COL11A1: variants seen among roughly 807,000 people sequenced by gnomAD.
COL11A1 encodes the protein collagen alpha-1(XI) chain.
In COL11A1, 74 loss-of-function variants were observed where a neutral mutation model predicts 265.2. The observed-to-expected ratio is 0.28, with a 90% CI of 0.23 to 0.34. COL11A1 has a LOEUF of 0.34. COL11A1 is among the 10% of genes least tolerant of loss of function. The pLI, the probability that COL11A1 is intolerant of heterozygous loss-of-function variation, is 1.00. For missense variants in COL11A1, 2,165 were observed against 2,263.6 expected (o/e 0.96, Z 0.88); for synonymous variants, 816 against 727.6 (o/e 1.12, Z -1.96).
chr1:103,030,961 T>C (rs1667938740), intron 5 of COL11A1, 155 bp downstream of exon 5: 1 of 933,200 alleles, frequency 1.1e-6, no homozygotes, highest in Non-Finnish European at 1.6e-6. Context: ...GTACCAAATA[T>C]ATTCAAGTCA....
At chr1:103,001,116 G>C (rs1354695908) in intron 24 of COL11A1, 1 of 397,352 alleles carries the variant, frequency 2.5e-6, no homozygotes, top group African/African-American at 2.1e-5. Flanking sequence ...AGCTAGGTCT[G>C]AGGGGGTGGA....
intron 36 of COL11A1, among the ~76,000 whole-genome samples, chr1:102,973,274 C>T (rs1662144381): frequency 6.6e-6 from 1 of 152,102 alleles, no homozygotes; most frequent in Admixed American, 6.6e-5. Flanking sequence ...GCATGCTTCT[C>T]AAGTGTAGGC....
At chr1:102,940,739 G>A (rs917254791) in intron 42 of COL11A1, among the ~76,000 whole-genome samples, 2 of 152,054 alleles carry the variant, frequency 1.3e-5, no homozygotes, top group Non-Finnish European at 2.9e-5. Context: ...ACTTTGCTGA[G>A]CCTCTTCTCC....
At chr1:103,037,529 T>G (rs1365650450) in intron 4 of COL11A1, among the ~76,000 whole-genome samples, 1 of 152,140 alleles carries the variant, frequency 6.6e-6, no homozygotes, top group Non-Finnish European at 1.5e-5. Context: ...TCTTGTTCAA[T>G]TCCATCTGAT....
intron 41 of COL11A1, among the ~76,000 whole-genome samples, chr1:102,959,105 C>T (rs920968848): frequency 1.3e-5 from 2 of 152,154 alleles, no homozygotes; most frequent in Non-Finnish European, 2.9e-5. Context: ...CTTTTGTGAT[C>T]TATTCTCTCC....
Position 102,878,503 on chromosome 1 carries a change from T to TATATATATATATATATA in COL11A1, c.5275-339_5275-338insTATATATATATATATAT, listed in dbSNP as rs1553191037. ...ATATATATATATATATATATATATA[T>TATATATATATATATATA]TCTTTTTCTTTTCTTTCTTTTTTTT... is the stretch of plus-strand genomic sequence containing the variant. On this transcript the variant is annotated intron_variant, in intron 66 of 66. Coordinates refer to ENST00000370096, the MANE Select transcript of COL11A1 (RefSeq NM_001854.4). 2.2e-3 allele frequency among the ~76,000 whole-genome samples: 281 copies of TATATATATATATATATA among 127,094 alleles called. 2 individuals carry two copies. The highest frequency in any genetic ancestry group is 2.9e-3 in the Non-Finnish European group (175 of 60,282). 83.4% of individuals were successfully genotyped at this position (127,094 alleles called of 152,430 possible).
In COL11A1 at chr1:103,002,799, G is replaced by A; in HGVS notation, c.1999-8C>T. The A allele has an allele frequency of 6.2e-7, 1 of 1,612,046 alleles. No individual in the cohort carries two copies. The highest frequency in any genetic ancestry group is 8.5e-7 in the Non-Finnish European group (1 of 1,178,424). On this transcript the variant is annotated splice_region_variant and splice_polypyrimidine_tract_variant and intron_variant, in intron 21 of 66. Transcript: ENST00000370096. Reference sequence around the variant, plus strand: ...ATCTACACCTGCCATACCCTGCAATGAAGAAAAAGTATTTATGGTTGTTTA... The same window carrying A: ...ATCTACACCTGCCATACCCTGCAATAAAGAAAAAGTATTTATGGTTGTTTA...
rs6677574 is a variant in COL11A1 at position 102,897,822 on chromosome 1, G to A, written c.4302+303C>T. Reference sequence around the variant, plus strand: ...CAGGAAAATAAGTGTAACTGCAAACGTTTTAGGGAACTATCCAGACTAGGA... The same window carrying A: ...CAGGAAAATAAGTGTAACTGCAAACATTTTAGGGAACTATCCAGACTAGGA... On this transcript the variant is annotated intron_variant, in intron 57 of 66. Transcript: ENST00000370096. 0.51 allele frequency among the ~76,000 whole-genome samples: 77,562 copies of A among 151,910 alleles called. 23,181 individuals are homozygous for A. Among genetic ancestry groups the A allele is most frequent in the East Asian group, 0.69 (3,576 of 5,152 alleles).
chr1:103,015,716 T>G lies in COL11A1; in HGVS notation c.1440A>C (p.Pro480=), dbSNP rs758274596. The change falls in exon 12 of 67, where the codon CCA becomes CCC. Residue 480 remains proline (P), a synonymous_variant. Coordinates refer to ENST00000370096, the MANE Select transcript of COL11A1 (RefSeq NM_001854.4). ...GAGGACCAGGTAGACCATCAGCCCC[T>G]GGTAAGCCAGGACGTCCTGGGGGGC... The part of the protein sequence containing the change: ...DRGPPGRPGL[P]GADGLPGPPG... The G allele has an allele frequency of 3.7e-6, 6 of 1,608,146 alleles. No homozygotes were observed. Among genetic ancestry groups the G allele is most frequent in the Non-Finnish European group, 4.2e-6 (5 of 1,176,904 alleles).
At chr1:102,997,783 A>G (rs1664767007) in intron 25 of COL11A1, among the ~76,000 whole-genome samples, 2 of 151,966 alleles carry the variant, frequency 1.3e-5, no homozygotes, top group Non-Finnish European at 2.9e-5. Flanking sequence ...ATTACTATTT[A>G]AAGGGAAATA....
At chr1:103,052,571 A>G (rs1414526340) in intron 4 of COL11A1, among the ~76,000 whole-genome samples, 1 of 152,162 alleles carries the variant, frequency 6.6e-6, no homozygotes, top group Non-Finnish European at 1.5e-5. Flanking sequence ...TATTACAACT[A>G]TGTTTCTATA....
rs184402348 is a variant in COL11A1 at position 103,054,048 on chromosome 1, G to A, written c.651+20570C>T. 3.1e-3 allele frequency among the ~76,000 whole-genome samples: 467 copies of A among 152,252 alleles called. 3 individuals are homozygous for A. Among genetic ancestry groups the A allele is most frequent in the African/African-American group, 0.011 (449 of 41,550 alleles). On this transcript the variant is annotated intron_variant, in intron 4 of 66. Transcript: ENST00000370096. ...TATCCCCTGAGATTTTCACACTAAT[G>A]TGCATTGAATTTGTGTGTCACACTG...
At chr1:102,911,410 T>C (rs766031144) in intron 54 of COL11A1, among the ~76,000 whole-genome samples, 2 of 152,176 alleles carry the variant, frequency 1.3e-5, no homozygotes, top group Non-Finnish European at 2.9e-5. Flanking sequence ...CCTGTGACTT[T>C]GGATTACTGA....
intron 58 of COL11A1, 32 bp downstream of exon 58, chr1:102,890,419 C>A (rs1480732194): frequency 1.3e-6 from 2 of 1,567,286 alleles, no homozygotes; most frequent in Middle Eastern, 1.7e-4. Flanking sequence ...AAAGCATATT[C>A]TTTTATTAAT....
At chr1:103,025,707 T>G in intron 6 of COL11A1, 94 bp from the exon 7 acceptor site, 1 of 1,563,082 alleles carries the variant, frequency 6.4e-7, no homozygotes, top group Non-Finnish European at 8.8e-7. Flanking sequence ...ATTAGCCAAG[T>G]GAGTATTTAT....
chr1:103,060,541 G>A (rs985056009), intron 4 of COL11A1, among the ~76,000 whole-genome samples: 1 of 152,110 alleles, frequency 6.6e-6, no homozygotes, highest in Non-Finnish European at 1.5e-5. Context: ...TAAGTAAAAT[G>A]AATGATTGCA....
At chr1:103,073,509 A>T (rs1391672248) in intron 4 of COL11A1, among the ~76,000 whole-genome samples, 1 of 151,834 alleles carries the variant, frequency 6.6e-6, no homozygotes, top group Admixed American at 6.6e-5. Context: ...ACCATTATAA[A>T]CTACCTGAAT....
intron 54 of COL11A1, among the ~76,000 whole-genome samples, chr1:102,904,486 G>A (rs1287721272): frequency 6.6e-6 from 1 of 152,002 alleles, no homozygotes; most frequent in Non-Finnish European, 1.5e-5. Context: ...CTGACAAAGG[G>A]CTAATATCCA....
Position 102,877,713 on chromosome 1 carries a change from T to C in COL11A1, c.*306A>G, listed in dbSNP as rs1649662759. On this transcript the variant is annotated 3_prime_UTR_variant, in exon 67 of 67. Coordinates refer to ENST00000370096, the MANE Select transcript of COL11A1 (RefSeq NM_001854.4). ...ATGAGCACCATATTTTTTATGAATA[T>C]ATATTTTTCTTTTTTTGTTTTCTAC... is the stretch of plus-strand genomic sequence containing the variant. The C allele has an allele frequency of 3.2e-6, 1 of 307,802 alleles. No homozygotes were observed. Among genetic ancestry groups the C allele is most frequent in the East Asian group, 7.2e-5 (1 of 13,930 alleles). The allele number at this position is 307,802 out of a possible 1,614,324, so 19.1% of individuals were successfully genotyped here. A position where few individuals can be genotyped will look rare whatever the true frequency, so the allele number is the denominator to read the frequency against.
Sources: allele counts gnomAD v4.1 joint callset (sites outside exome capture counted in the v4.1 genomes callset), GRCh38; gene constraint gnomAD v4.1.1; transcripts MANE v1.5; gene names NCBI Gene and HGNC (gene_info 2026-07-23, HGNC 2026-07-21).